Variants in SORL1-AS1 observed in about 807,000 individuals in gnomAD.
SORL1-AS1 encodes the protein lncRNA 51 A.
At position 121,452,773 on chromosome 11, in the gene SORL1-AS1, C is replaced by CA. The variant is rs111342908; in HGVS notation, n.240dup. ...TTTCCTTCACGAGTACAACCGTCAG[C>CA]ACTTGAATCGCATTGATCTTTCCTT... On this transcript the variant is annotated non_coding_transcript_exon_variant, in exon 1 of 2. Transcript: ENST00000501964. This position sits in a 1 kb window ranked among gnomAD's most constrained non-coding sequence, Gnocchi z 5.3. 4.6e-3 allele frequency: 2,667 copies of CA among 574,536 alleles called. 55 individuals carry two copies. Among genetic ancestry groups the CA allele is most frequent in the African/African-American group, 0.045 (2,301 of 50,788 alleles). The allele number at this position is 574,536 out of a possible 1,614,324, so 35.6% of individuals were successfully genotyped here. A position where few individuals can be genotyped will look rare whatever the true frequency, so the allele number is the denominator to read the frequency against.
At chr11:121,449,238 A>G (rs1262306528) in exon 2 of SORL1-AS1, 3 of 152,200 alleles carry the variant, frequency 2.0e-5, no homozygotes, top group Non-Finnish European at 4.4e-5. Flanking sequence ...GATTTTCGTC[A>G]TGATGCTGGG....
chr11:121,438,345 C>G, the SORL1-AS1 span, among the ~76,000 whole-genome samples: 1 of 152,134 alleles, frequency 6.6e-6, no homozygotes, highest in Non-Finnish European at 1.5e-5. Context: ...GTAAAATGCA[C>G]AGACCTTAAG....
the SORL1-AS1 span, among the ~76,000 whole-genome samples, chr11:121,438,704 T>C: frequency 1.4e-4 from 21 of 152,378 alleles, no homozygotes; most frequent in South Asian, 3.1e-3. Context: ...TTGATAGACA[T>C]TGGCATTGTT....
the SORL1-AS1 span, among the ~76,000 whole-genome samples, chr11:121,441,275 G>C: frequency 6.6e-6 from 1 of 151,826 alleles, no homozygotes; most frequent in Non-Finnish European, 1.5e-5. Flanking sequence ...TGTAATCCCA[G>C]CACTTTGGGA....
chr11:121,447,762 A>G (rs762320427), exon 2 of SORL1-AS1: 9 of 152,112 alleles, frequency 5.9e-5, no homozygotes, highest in African/African-American at 1.9e-4. Context: ...ACTTGTCCCA[A>G]TCAGGGCGTG....
downstream of SORL1-AS1, among the ~76,000 whole-genome samples, chr11:121,443,399 A>G (rs184927647): frequency 4.7e-4 from 72 of 152,368 alleles, no homozygotes; most frequent in Non-Finnish European, 8.2e-4. Context: ...TCACAATGCC[A>G]TGTCAAACAG....
chr11:121,440,386 T>C, the SORL1-AS1 span, among the ~76,000 whole-genome samples: 3 of 151,866 alleles, frequency 2.0e-5, no homozygotes, highest in Non-Finnish European at 4.4e-5. Flanking sequence ...AATAAATAAA[T>C]AAACAAACAA....
In SORL1-AS1 at chr11:121,450,936, T is replaced by C. The variant is rs1860781187; in HGVS notation, n.340-1037A>G. Among the ~76,000 whole-genome samples, 1 of 152,126 alleles carries C rather than the reference T, an allele frequency of 6.6e-6. No individual in the cohort carries two copies. Among genetic ancestry groups the C allele is most frequent in the South Asian group, 2.1e-4 (1 of 4,832 alleles). On this transcript the variant is annotated intron_variant and non_coding_transcript_variant, in intron 1 of 1. Coordinates refer to ENST00000501964, the Ensembl canonical transcript of SORL1-AS1. The surrounding 1 kb of genome is among the most constrained non-coding windows in gnomAD (Gnocchi z 5.2). ...GCAAGCTGGCCTGACTCTGGCAGGTTGTCAGTGGTAGTCCTAGGTAGAGGA... is the reference window on the plus strand; with the variant it reads ...GCAAGCTGGCCTGACTCTGGCAGGTCGTCAGTGGTAGTCCTAGGTAGAGGA...
At chr11:121,442,674 T>TTTATTTACTTAC (rs1555041801), downstream of SORL1-AS1, among the ~76,000 whole-genome samples, 2 of 141,568 alleles carry the variant, frequency 1.4e-5, no homozygotes, top group African/African-American at 5.3e-5. Context: ...TATTTATTTA[T>TTTATTTACTTAC]TTATTTATTT....
exon 2 of SORL1-AS1, chr11:121,449,180 CTG>C (rs1346703831): frequency 6.6e-6 from 1 of 152,166 alleles, no homozygotes; most frequent in African/African-American, 2.4e-5. Context: ...AGGCTTAAGA[CTG>C]TTTTATACAC....
At chr11:121,446,773 A>G (rs368517549), downstream of SORL1-AS1, among the ~76,000 whole-genome samples, 1 of 150,528 alleles carries the variant, frequency 6.6e-6, no homozygotes, top group African/African-American at 2.4e-5. Context: ...AAAAAAAAGG[A>G]AAGTATCCAG....
At position 121,452,694 on chromosome 11, in the gene SORL1-AS1, A is replaced by C; in HGVS notation, n.320T>G. 1 of 1,297,250 alleles carries C rather than the reference A, an allele frequency of 7.7e-7. No individual in the cohort carries two copies. Among genetic ancestry groups the C allele is most frequent in the Non-Finnish European group, 1.0e-6 (1 of 1,003,602 alleles). 80.4% of individuals were successfully genotyped at this position (1,297,250 alleles called of 1,614,324 possible). On this transcript the variant is annotated non_coding_transcript_exon_variant, in exon 1 of 2. Transcript: ENST00000501964. The surrounding 1 kb of genome is among the most constrained non-coding windows in gnomAD (Gnocchi z 5.3). ...CCTCACCCCCGCATCCATCCGTTGC[A>C]GTCGCCTCCTAGGTGCAGGCACCAC...
At chr11:121,451,025 G>A (rs1386249786) in intron 1 of SORL1-AS1, among the ~76,000 whole-genome samples, 1 of 152,124 alleles carries the variant, frequency 6.6e-6, no homozygotes, top group East Asian at 1.9e-4. Context: ...GGGCTACCGT[G>A]GCTTGTCGGA....
the SORL1-AS1 span, among the ~76,000 whole-genome samples, chr11:121,440,054 C>T: frequency 6.6e-6 from 1 of 152,096 alleles, no homozygotes; most frequent in Non-Finnish European, 1.5e-5. Flanking sequence ...TTTGGTAGTG[C>T]TCAGGAGCTT....
downstream of SORL1-AS1, among the ~76,000 whole-genome samples, chr11:121,442,674 T>TTTATTCATTTAC (rs1860671579): frequency 7.1e-6 from 1 of 141,568 alleles, no homozygotes; most frequent in African/African-American, 2.7e-5. Context: ...TATTTATTTA[T>TTTATTCATTTAC]TTATTTATTT....
chr11:121,442,082 A>T, the SORL1-AS1 span, among the ~76,000 whole-genome samples: 119 of 152,260 alleles, frequency 7.8e-4, no homozygotes, highest in African/African-American at 2.1e-3. Flanking sequence ...ATCCTCCACA[A>T]CCTCACTGCC....
At chr11:121,442,687 TTA>T (rs1860673122), downstream of SORL1-AS1, among the ~76,000 whole-genome samples, 1 of 147,182 alleles carries the variant, frequency 6.8e-6, no homozygotes, top group African/African-American at 2.5e-5. Flanking sequence ...ATTTATTTAT[TTA>T]TTTTTTTGAG....
In SORL1-AS1 at chr11:121,452,631, A is replaced by G. The variant is rs369012338; in HGVS notation, n.339+44T>C. Reference sequence around the variant, plus strand: ...TGTACGGACAGGTGAGCAGTTTTGCAACCCGCCTCCCTCCAGTTTTTTCCT... The same window carrying G: ...TGTACGGACAGGTGAGCAGTTTTGCGACCCGCCTCCCTCCAGTTTTTTCCT... On this transcript the variant is annotated intron_variant and non_coding_transcript_variant, in intron 1 of 1. Transcript: ENST00000501964. The surrounding 1 kb of genome is among the most constrained non-coding windows in gnomAD (Gnocchi z 5.3). 8.3e-5 allele frequency: 121 copies of G among 1,449,422 alleles called. No homozygotes were observed. The African/African-American group carries it at 1.6e-3, about 20-fold the overall frequency. The allele number at this position is 1,449,422 out of a possible 1,614,324, so 89.8% of individuals were successfully genotyped here.
chr11:121,452,476 C>G lies in SORL1-AS1; in HGVS notation n.339+199G>C. 1 of 1,504,340 alleles carries G rather than the reference C, an allele frequency of 6.6e-7. No homozygotes were observed. 93.2% of individuals were successfully genotyped at this position (1,504,340 alleles called of 1,614,324 possible). A position where few individuals can be genotyped will look rare whatever the true frequency, so the allele number is the denominator to read the frequency against. ...GCCCTTGCCCCAGGACCGGGGCTTC[C>G]TCGTGGTGCAGGGCGACCCGCGCGA... is the stretch of plus-strand genomic sequence containing the variant. On this transcript the variant is annotated intron_variant and non_coding_transcript_variant, in intron 1 of 1. Transcript: ENST00000501964. The surrounding 1 kb of genome is among the most constrained non-coding windows in gnomAD (Gnocchi z 5.3).
Sources: allele counts gnomAD v4.1 joint callset (sites outside exome capture counted in the v4.1 genomes callset), GRCh38; gene constraint gnomAD v4.1.1; non-coding constraint Gnocchi (gnomAD v3.1); transcripts MANE v1.5; gene names NCBI Gene and HGNC (gene_info 2026-07-23, HGNC 2026-07-21).